Variants in NAV2 observed in about 807,000 individuals in gnomAD.
NAV2 encodes the protein neuron navigator 2.
A neutral mutation model predicts 223.2 loss-of-function variants in NAV2; 54 were observed. That is an observed-to-expected ratio of 0.24 (90% CI 0.19 to 0.30). The LOEUF (loss-of-function observed/expected upper bound fraction) is 0.30, where lower values mean the gene tolerates loss of function less well. Ranked by LOEUF, NAV2 falls within the 10% of genes least tolerant of loss-of-function variation. NAV2 has a pLI of 1.00. For synonymous variants in NAV2, 1,279 were observed against 1,239.3 expected (o/e 1.03, Z -0.67); for missense variants, 2,806 against 3,147.5 (o/e 0.89, Z 2.60).
At chr11:19,572,655 C>A (rs1157151264) in intron 1 of NAV2, among the ~76,000 whole-genome samples, 1 of 152,158 alleles carries the variant, frequency 6.6e-6, no homozygotes, top group Admixed American at 6.5e-5. Context: ...CACATAGATG[C>A]CAGAACCAGT....
chr11:19,864,844 C>T (rs2153033832), intron 3 of NAV2, among the ~76,000 whole-genome samples: 1 of 152,280 alleles, frequency 6.6e-6, no homozygotes, highest in Middle Eastern at 3.4e-3. Flanking sequence ...TTTTCTTTAC[C>T]TCCATCCTTC....
chr11:19,388,564 A>G (rs1849129470), intron 1 of NAV2, among the ~76,000 whole-genome samples: 2 of 152,292 alleles, frequency 1.3e-5, no homozygotes, highest in South Asian at 2.1e-4. Flanking sequence ...TATAAGATGA[A>G]TGGGGATTTT....
chr11:19,672,376 C>A (rs909745333), intron 1 of NAV2, among the ~76,000 whole-genome samples: 1 of 152,200 alleles, frequency 6.6e-6, no homozygotes, highest in Non-Finnish European at 1.5e-5. Flanking sequence ...ACATGGGTAT[C>A]GCTGCTGGTC....
intron 1 of NAV2, among the ~76,000 whole-genome samples, chr11:19,381,513 C>T (rs146992871): frequency 3.3e-5 from 5 of 152,118 alleles, no homozygotes; most frequent in Admixed American, 6.5e-5. Context: ...ATGAAACATA[C>T]GGAGACCCTG....
intron 5 of NAV2, chr11:19,884,452 T>C (rs1335009252): frequency 9.2e-6 from 10 of 1,082,140 alleles, no homozygotes; most frequent in Non-Finnish European, 1.3e-5. Context: ...TTGCCTTTGG[T>C]CCTCTCCTCG....
chr11:19,890,282 A>T (rs1340557024), intron 5 of NAV2, among the ~76,000 whole-genome samples: 1 of 152,198 alleles, frequency 6.6e-6, no homozygotes, highest in African/African-American at 2.4e-5. Context: ...GCTGCCTCAC[A>T]GAGGACCAGA....
chr11:19,400,255 G>C (rs1849627770), intron 1 of NAV2, among the ~76,000 whole-genome samples: 1 of 152,190 alleles, frequency 6.6e-6, no homozygotes, highest in Non-Finnish European at 1.5e-5. Flanking sequence ...GGAGTCACAA[G>C]GAAGAGGAAG....
intron 10 of NAV2, among the ~76,000 whole-genome samples, chr11:19,959,461 A>G (rs150175050): frequency 6.6e-6 from 1 of 152,336 alleles, no homozygotes; most frequent in African/African-American, 2.4e-5. Context: ...TCACTTTCAC[A>G]TTCTGGGAAG....
At chr11:19,915,080 G>A (rs1030615838) in intron 6 of NAV2, among the ~76,000 whole-genome samples, 4 of 152,130 alleles carry the variant, frequency 2.6e-5, no homozygotes, top group African/African-American at 9.7e-5. Flanking sequence ...TCCACAGTTG[G>A]AGTAGCCTGT....
At position 19,933,410 on chromosome 11, in the gene NAV2, A is replaced by G; in HGVS notation, c.1166A>G (p.Glu389Gly). Residue 389 changes from glutamate (E) to glycine (G), a missense_variant, in exon 7 of 38, where the codon GAA becomes GGA. Around this residue, in one of 4 missense-constraint regions of NAV2, gnomAD observed 1,167 missense variants for 1,180.5 expected, o/e 0.99. Coordinates refer to ENST00000349880, the MANE Select transcript of NAV2 (RefSeq NM_145117.5). This position sits in a 1 kb window ranked among gnomAD's most constrained non-coding sequence, Gnocchi z 4.3. ...CCTGAGGCCCCCAGGCCCACACCTGAAGCCATGAAGCCGGCCCCCAACAAT... is the reference window on the plus strand; with the variant it reads ...CCTGAGGCCCCCAGGCCCACACCTGGAGCCATGAAGCCGGCCCCCAACAAT... ...PGPEAPRPTP[E>G]AMKPAPNNQK... 4 of 1,580,362 alleles carry G rather than the reference A, an allele frequency of 2.5e-6. No homozygotes were observed. The Middle Eastern group carries it at 5.1e-4, about 203-fold the overall frequency.
chr11:20,033,460 G>A (rs2055993976), intron 11 of NAV2, among the ~76,000 whole-genome samples: 1 of 152,192 alleles, frequency 6.6e-6, no homozygotes, highest in South Asian at 2.1e-4. Flanking sequence ...TGGAGTATTT[G>A]AAGAAAGCCT....
At chr11:20,009,130 AGCT>A (rs1413822452) in intron 11 of NAV2, among the ~76,000 whole-genome samples, 1 of 152,126 alleles carries the variant, frequency 6.6e-6, no homozygotes, top group Non-Finnish European at 1.5e-5. Context: ...GGAGAGATGA[AGCT>A]GCAAAACAAA....
chr11:19,545,882 A>C (rs1212273542), intron 1 of NAV2, among the ~76,000 whole-genome samples: 2 of 152,170 alleles, frequency 1.3e-5, no homozygotes, highest in African/African-American at 2.4e-5. Flanking sequence ...ACCCTGACCT[A>C]AGAATCTTCA....
intron 1 of NAV2, among the ~76,000 whole-genome samples, chr11:19,616,110 G>GT (rs1047202931): frequency 2.5e-4 from 38 of 149,378 alleles, no homozygotes; most frequent in East Asian, 7.8e-4. Flanking sequence ...CATTCACGGG[G>GT]TTTTTTTTTT....
chr11:19,807,452 G>T (rs2058634544), intron 1 of NAV2, among the ~76,000 whole-genome samples: 1 of 152,120 alleles, frequency 6.6e-6, no homozygotes, highest in Non-Finnish European at 1.5e-5. Flanking sequence ...GCACATTTAG[G>T]GTCCCTTTTT....
At chr11:19,779,088 A>G (rs1260685310) in intron 1 of NAV2, among the ~76,000 whole-genome samples, 2 of 152,172 alleles carry the variant, frequency 1.3e-5, no homozygotes, top group Non-Finnish European at 1.5e-5. Flanking sequence ...CGTTTAGTCT[A>G]TGGAGGGAGC....
intron 12 of NAV2, among the ~76,000 whole-genome samples, chr11:20,039,659 T>TA (rs2056733498): frequency 6.6e-6 from 1 of 152,248 alleles, no homozygotes; most frequent in Non-Finnish European, 1.5e-5. Context: ...CTCCCTCACA[T>TA]ATTCATCTGT....
intron 1 of NAV2, among the ~76,000 whole-genome samples, chr11:19,415,854 T>C (rs1178330406): frequency 6.6e-6 from 1 of 152,142 alleles, no homozygotes; most frequent in Non-Finnish European, 1.5e-5. Context: ...CACATGATTA[T>C]CTCAGTAGAT....
intron 10 of NAV2, among the ~76,000 whole-genome samples, chr11:19,959,025 C>T (rs1474400396): frequency 6.6e-6 from 1 of 152,126 alleles, no homozygotes; most frequent in East Asian, 1.9e-4. Context: ...ACAGGGGACA[C>T]AAAGGAGACA....
Sources: allele counts gnomAD v4.1 joint callset (sites outside exome capture counted in the v4.1 genomes callset), GRCh38; gene constraint gnomAD v4.1.1; regional missense constraint gnomAD v4.1.1; non-coding constraint Gnocchi (gnomAD v3.1); transcripts MANE v1.5; gene names NCBI Gene and HGNC (gene_info 2026-07-23, HGNC 2026-07-21).